The following KIF24 variants were observed in gnomAD, a reference collection of about 807,000 sequenced individuals.
KIF24 encodes the protein kinesin-like protein KIF24.
KIF24 carries 81 observed loss-of-function variants against 118.9 expected under a neutral mutation model. The ratio of observed to expected loss-of-function variants is 0.68; its 90% CI spans 0.57 to 0.82. The LOEUF is 0.82. KIF24 is among the 40% of genes least tolerant of loss of function. KIF24 has a pLI of 0.00. For missense variants in KIF24, 1,560 were observed against 1,661.6 expected (o/e 0.94, Z 1.06); for synonymous variants, 599 against 610.0 (o/e 0.98, Z 0.27).
At chr9:34,293,240 G>A (rs1002752591) in intron 4 of KIF24, among the ~76,000 whole-genome samples, 2 of 152,172 alleles carry the variant, frequency 1.3e-5, no homozygotes, top group African/African-American at 4.8e-5. Flanking sequence ...AGCACTTTGG[G>A]AGGCTGAGGC....
upstream of KIF24, among the ~76,000 whole-genome samples, chr9:34,333,644 CAAAAAA>C (rs34830977): frequency 6.4e-5 from 3 of 47,090 alleles, no homozygotes; most frequent in East Asian, 7.1e-4. Context: ...GAGACATTGT[CAAAAAA>C]AAAAAAAAAA....
chr9:34,286,748 C>G (rs752265341), intron 5 of KIF24, 44 bp from the exon 6 acceptor site: 1 of 1,355,448 alleles, frequency 7.4e-7, no homozygotes, highest in South Asian at 1.2e-5. Context: ...GCTACTAAAA[C>G]AGACTTTGTT....
chr9:34,311,676 ATG>A (rs1386398409), intron 1 of KIF24, among the ~76,000 whole-genome samples: 1 of 90,740 alleles, frequency 1.1e-5, no homozygotes, highest in African/African-American at 4.7e-5. Context: ...ATACGTGTAT[ATG>A]TATATATATA....
upstream of KIF24, among the ~76,000 whole-genome samples, chr9:34,332,069 C>A (rs1837955905): frequency 2.0e-5 from 3 of 152,350 alleles, no homozygotes; most frequent in Middle Eastern, 6.8e-3. Flanking sequence ...TCTCTGCCTC[C>A]AATCTGTCCT....
In KIF24 at chr9:34,296,161, G is replaced by A. The variant is rs551265557; in HGVS notation, c.911+856C>T. Among the ~76,000 whole-genome samples the A allele has an allele frequency of 3.0e-3, 430 of 144,338 alleles. 1 individual carries two copies. Among genetic ancestry groups the A allele is most frequent in the Non-Finnish European group, 4.7e-3 (309 of 66,228 alleles). 94.7% of individuals were successfully genotyped at this position (144,338 alleles called of 152,430 possible). A position where few individuals can be genotyped will look rare whatever the true frequency, so the allele number is the denominator to read the frequency against. The stretch of plus-strand genomic sequence containing the variant: ...GTGAACCCGGGAGGCAGAGCTTGCA[G>A]TGCACCGAGGTGGCGCCACTGCACT... On this transcript the variant is annotated intron_variant, in intron 4 of 12. Transcript: ENST00000402558.
chr9:34,285,188 T>C (rs1228746805), intron 6 of KIF24, among the ~76,000 whole-genome samples: 2 of 152,132 alleles, frequency 1.3e-5, no homozygotes, highest in Non-Finnish European at 2.9e-5. Context: ...AAAGAATAAC[T>C]TAATAAAAGA....
chr9:34,316,411 C>A (rs190597087), intron 1 of KIF24, among the ~76,000 whole-genome samples: 115 of 152,180 alleles, frequency 7.6e-4, no homozygotes, highest in African/African-American at 2.7e-3. Context: ...TTCCATGACA[C>A]CTGCTTATGT....
rs181386438 is a variant in KIF24 at position 34,278,386 on chromosome 9, G to A, written c.1216-6456C>T. Among the ~76,000 whole-genome samples, 593 of 152,186 alleles carry A rather than the reference G, an allele frequency of 3.9e-3. 6 individuals are homozygous for A. The highest frequency in any genetic ancestry group is 3.7e-3 in the Non-Finnish European group (253 of 68,008). On this transcript the variant is annotated intron_variant, in intron 6 of 12. Coordinates refer to ENST00000402558, the MANE Select transcript of KIF24 (RefSeq NM_194313.4). Reference sequence around the variant, plus strand: ...GATCATGCCACTGCACTCCAGCCTGGACAAGACAGCAAAATTCCATCTCAA... The same window carrying A: ...GATCATGCCACTGCACTCCAGCCTGAACAAGACAGCAAAATTCCATCTCAA...
chr9:34,288,346 G>C (rs1836127194), intron 5 of KIF24, among the ~76,000 whole-genome samples: 1 of 151,896 alleles, frequency 6.6e-6, no homozygotes, highest in Non-Finnish European at 1.5e-5. Flanking sequence ...AAATTAGCAG[G>C]GCATGGTAGC....
intron 8 of KIF24, among the ~76,000 whole-genome samples, chr9:34,264,168 T>G (rs1407248233): frequency 6.6e-6 from 1 of 151,666 alleles, no homozygotes; most frequent in East Asian, 1.9e-4. Flanking sequence ...ATGCCTGTAA[T>G]CCCAGCACTT....
At chr9:34,326,755 G>A (rs1339686035) in intron 1 of KIF24, among the ~76,000 whole-genome samples, 2 of 152,116 alleles carry the variant, frequency 1.3e-5, no homozygotes, top group African/African-American at 4.8e-5. Context: ...AGGGTGTACT[G>A]GGCCACATAA....
chr9:34,301,551 T>C (rs544268388), intron 3 of KIF24, among the ~76,000 whole-genome samples: 2 of 152,234 alleles, frequency 1.3e-5, no homozygotes, highest in South Asian at 4.1e-4. Flanking sequence ...CTTCAGATTA[T>C]AAAAGTAACA....
At chr9:34,277,616 G>GT (rs1180711320) in intron 6 of KIF24, among the ~76,000 whole-genome samples, 4 of 152,130 alleles carry the variant, frequency 2.6e-5, no homozygotes, top group African/African-American at 9.7e-5. Context: ...AATGTACTGG[G>GT]TATCTCTAAG....
intron 8 of KIF24, among the ~76,000 whole-genome samples, chr9:34,267,063 T>G (rs2131693577): frequency 6.6e-6 from 1 of 152,292 alleles, no homozygotes; most frequent in Admixed American, 6.5e-5. Context: ...CACTACAAAC[T>G]GTATGTCAGG....
At chr9:34,283,692 C>T (rs965866899) in intron 6 of KIF24, among the ~76,000 whole-genome samples, 2 of 151,884 alleles carry the variant, frequency 1.3e-5, no homozygotes, top group Admixed American at 1.3e-4. Flanking sequence ...ATATACAAAT[C>T]GACAAGGAAA....
intron 2 of KIF24, among the ~76,000 whole-genome samples, chr9:34,307,344 C>T (rs1306224534): frequency 6.6e-6 from 1 of 151,564 alleles, no homozygotes; most frequent in Non-Finnish European, 1.5e-5. Context: ...GGATTACAAG[C>T]ATCAGTCATC....
Position 34,311,352 on chromosome 9 carries a change from T to A in KIF24, c.-6A>T, listed in dbSNP as rs1837137910. 2 of 1,546,512 alleles carry A rather than the reference T, an allele frequency of 1.3e-6. No individual in the cohort carries two copies. The highest frequency in any genetic ancestry group is 8.7e-7 in the Non-Finnish European group (1 of 1,146,874). On this transcript the variant is annotated 5_prime_UTR_variant, in exon 2 of 13. Coordinates refer to ENST00000402558, the MANE Select transcript of KIF24 (RefSeq NM_194313.4). ...TCATATAACCAGGATGCCATTTTGGTGAATAGGTTTCTATAAACTCTGAAG... is the reference window on the plus strand; with the variant it reads ...TCATATAACCAGGATGCCATTTTGGAGAATAGGTTTCTATAAACTCTGAAG...
chr9:34,299,823 C>CGTGT (rs34056151), intron 3 of KIF24, among the ~76,000 whole-genome samples: 47 of 133,266 alleles, frequency 3.5e-4, no homozygotes, highest in African/African-American at 3.9e-4. Flanking sequence ...TGTGTGTGTG[C>CGTGT]GTGTGTGTGT....
intron 4 of KIF24, among the ~76,000 whole-genome samples, chr9:34,292,104 C>A (rs139261074): frequency 6.6e-5 from 10 of 152,270 alleles, no homozygotes; most frequent in African/African-American, 2.2e-4. Context: ...CCTCTGCTCA[C>A]CTGAAATAAA....
Sources: allele counts gnomAD v4.1 joint callset (sites outside exome capture counted in the v4.1 genomes callset), GRCh38; gene constraint gnomAD v4.1.1; transcripts MANE v1.5; gene names NCBI Gene and HGNC (gene_info 2026-07-23, HGNC 2026-07-21).